The following BTBD16 variants were observed in gnomAD, a reference collection of about 807,000 sequenced individuals.
BTBD16 encodes BTB/POZ domain-containing protein 16.
Under a neutral mutation model 67.4 loss-of-function variants are expected in BTBD16, and 66 were observed. The observed-to-expected ratio is 0.98, with a 90% confidence interval of 0.80 to 1.20. The LOEUF (loss-of-function observed/expected upper bound fraction) is 1.20. Ranked by LOEUF, BTBD16 falls within the 50% of genes most tolerant of loss-of-function variation. The probability of loss-of-function intolerance (pLI) is 0.00; values close to 1 mark genes in which losing one functional copy is unlikely to be tolerated. For missense variants in BTBD16, 634 were observed against 616.0 expected (o/e 1.03, Z -0.31); for synonymous variants, 242 against 236.4 (o/e 1.02, Z -0.22).
At chr10:122,285,623 G>GTAGA (rs1424752584) in intron 4 of BTBD16, among the ~76,000 whole-genome samples, 1 of 152,102 alleles carries the variant, frequency 6.6e-6, no homozygotes, top group African/African-American at 2.4e-5. Context: ...CATGTAGTAG[G>GTAGA]TAGATGCCAG....
At chr10:122,305,183 G>C (rs905674364) in intron 9 of BTBD16, among the ~76,000 whole-genome samples, 3 of 152,200 alleles carry the variant, frequency 2.0e-5, no homozygotes, top group Non-Finnish European at 4.4e-5. Context: ...TTAGGTTCAG[G>C]GGTACATGTG....
At chr10:122,308,988 C>G (rs561936356) in intron 10 of BTBD16, among the ~76,000 whole-genome samples, 1 of 152,314 alleles carries the variant, frequency 6.6e-6, no homozygotes, top group African/African-American at 2.4e-5. Context: ...CTCTGCCCAG[C>G]CCCTGCTGAA....
intron 1 of BTBD16, among the ~76,000 whole-genome samples, chr10:122,272,016 G>A (rs2096329743): frequency 6.6e-6 from 1 of 152,142 alleles, no homozygotes. Flanking sequence ...AGGCCACGTT[G>A]AGGATTTGGG....
chr10:122,325,177 A>C (rs952522992), intron 10 of BTBD16, among the ~76,000 whole-genome samples: 4 of 152,216 alleles, frequency 2.6e-5, no homozygotes, highest in South Asian at 2.1e-4. Flanking sequence ...GGGTGAATGG[A>C]GGGATGGGAT....
rs879770617 is a variant in BTBD16 at position 122,331,924 on chromosome 10, A to G, written c.1087-512A>G. The stretch of plus-strand genomic sequence containing the variant: ...GAGGTGCTTTTCTGGGACATAACTC[A>G]GGACCATGCTCTAACAGAGCAGCAG... On this transcript the variant is annotated intron_variant, in intron 12 of 15. Coordinates refer to ENST00000260723, the MANE Select transcript of BTBD16 (RefSeq NM_144587.5). The G allele has an allele frequency of 5.7e-5, 9 of 158,338 alleles. 1 individual carries two copies. The highest frequency in any genetic ancestry group is 5.5e-4 in the Admixed American group (9 of 16,502). The allele number at this position is 158,338 out of a possible 1,614,324, so 9.8% of individuals were successfully genotyped here. A position where few individuals can be genotyped will look rare whatever the true frequency, so the allele number is the denominator to read the frequency against.
intron 10 of BTBD16, among the ~76,000 whole-genome samples, chr10:122,323,121 CT>C (rs2096438369): frequency 6.6e-6 from 1 of 152,126 alleles, no homozygotes; most frequent in Non-Finnish European, 1.5e-5. Flanking sequence ...TTCACTTTAA[CT>C]CTGAAAATTA....
intron 10 of BTBD16, among the ~76,000 whole-genome samples, chr10:122,319,342 G>A (rs769985106): frequency 6.6e-6 from 1 of 152,026 alleles, no homozygotes; most frequent in Non-Finnish European, 1.5e-5. Flanking sequence ...TTTCTTCTGG[G>A]AGATTTATTG....
At chr10:122,304,577 CAG>C (rs2096399988) in intron 9 of BTBD16, among the ~76,000 whole-genome samples, 1 of 116,408 alleles carries the variant, frequency 8.6e-6, no homozygotes, top group African/African-American at 3.3e-5. Context: ...TTTTTTGAGA[CAG>C]AGTCTCCCTA....
chr10:122,298,633 T>C (rs2096388020), intron 8 of BTBD16, among the ~76,000 whole-genome samples: 1 of 152,178 alleles, frequency 6.6e-6, no homozygotes, highest in Non-Finnish European at 1.5e-5. Flanking sequence ...AGCCACTGAC[T>C]TGAACTAGTG....
At chr10:122,298,130 T>C (rs1200372065) in intron 8 of BTBD16, among the ~76,000 whole-genome samples, 1 of 152,170 alleles carries the variant, frequency 6.6e-6, no homozygotes, top group Non-Finnish European at 1.5e-5. Flanking sequence ...AGAACATTCT[T>C]GCTGGAGTTG....
At chr10:122,327,187 C>T (rs1291329269) in intron 10 of BTBD16, among the ~76,000 whole-genome samples, 2 of 152,186 alleles carry the variant, frequency 1.3e-5, no homozygotes, top group Non-Finnish European at 2.9e-5. Context: ...GACCACAACC[C>T]TTAGATCCTT....
At chr10:122,325,708 C>T (rs1244248764) in intron 10 of BTBD16, among the ~76,000 whole-genome samples, 1 of 151,574 alleles carries the variant, frequency 6.6e-6, no homozygotes. Context: ...TGGAGTCTCG[C>T]TGTGTTGCCC....
chr10:122,308,730 C>T (rs2096408124), intron 10 of BTBD16, among the ~76,000 whole-genome samples: 1 of 152,190 alleles, frequency 6.6e-6, no homozygotes, highest in Non-Finnish European at 1.5e-5. Flanking sequence ...CCCACTCTGT[C>T]ATCATGGAGG....
intron 5 of BTBD16, among the ~76,000 whole-genome samples, chr10:122,289,394 T>C (rs1379503494): frequency 6.6e-6 from 1 of 152,150 alleles, no homozygotes; most frequent in East Asian, 1.9e-4. Context: ...TGCACTCTTT[T>C]TGCAACTTCT....
chr10:122,313,579 T>G (rs1417632940), intron 10 of BTBD16, among the ~76,000 whole-genome samples: 1 of 152,230 alleles, frequency 6.6e-6, no homozygotes, highest in East Asian at 1.9e-4. Context: ...TAGTGCTATT[T>G]AAGAATCTTT....
chr10:122,319,840 T>C (rs773255684), intron 10 of BTBD16, among the ~76,000 whole-genome samples: 1 of 152,194 alleles, frequency 6.6e-6, no homozygotes, highest in Non-Finnish European at 1.5e-5. Flanking sequence ...TTGAGTCTTC[T>C]GATCCATGAA....
At chr10:122,286,895 G>T (rs1182617880) in intron 5 of BTBD16, among the ~76,000 whole-genome samples, 1 of 152,190 alleles carries the variant, frequency 6.6e-6, no homozygotes, top group Non-Finnish European at 1.5e-5. Context: ...TTGGGCTACA[G>T]GTTGGCATCC....
chr10:122,277,899 A>T (rs2096344331), intron 3 of BTBD16, among the ~76,000 whole-genome samples: 1 of 152,142 alleles, frequency 6.6e-6, no homozygotes, highest in South Asian at 2.1e-4. Flanking sequence ...GGTGCCATGG[A>T]CCTGGCTTGA....
At chr10:122,326,163 T>G (rs2096444370) in intron 10 of BTBD16, among the ~76,000 whole-genome samples, 1 of 152,236 alleles carries the variant, frequency 6.6e-6, no homozygotes, top group Non-Finnish European at 1.5e-5. Context: ...CAAAGTCACT[T>G]TTAACCCTAA....
Sources: gnomAD v4.1 joint callset for allele counts (sites outside exome capture counted in the v4.1 genomes callset) on GRCh38, gnomAD v4.1.1 for gene constraint, MANE v1.5 for transcripts, NCBI Gene and HGNC (gene_info 2026-07-23, HGNC 2026-07-21) for gene names.